ZFPM2: variants seen among roughly 807,000 people sequenced by gnomAD.
ZFPM2 encodes zinc finger protein ZFPM2.
A neutral mutation model predicts 98.6 loss-of-function variants in ZFPM2; 20 were observed. That is an observed-to-expected ratio of 0.20 (90% CI 0.14 to 0.29). The LOEUF (loss-of-function observed/expected upper bound fraction) is 0.29, where lower values mean the gene tolerates loss of function less well. Among genes scored for constraint, ZFPM2 ranks in the 10% least tolerant of loss-of-function variants. The pLI, the probability that ZFPM2 is intolerant of heterozygous loss-of-function variation, is 1.00. For missense variants in ZFPM2, 1,310 were observed against 1,388.6 expected (o/e 0.94, Z 0.90); for synonymous variants, 518 against 502.7 (o/e 1.03, Z -0.41).
intron 1 of ZFPM2, among the ~76,000 whole-genome samples, chr8:105,331,504 A>T (rs767093932): frequency 1.3e-5 from 2 of 151,850 alleles, no homozygotes; most frequent in East Asian, 3.9e-4. Context: ...GTTAGTACCA[A>T]TGTACTTTAT....
chr8:105,414,287 T>C (rs1433679468), intron 1 of ZFPM2, among the ~76,000 whole-genome samples: 1 of 152,010 alleles, frequency 6.6e-6, no homozygotes, highest in Non-Finnish European at 1.5e-5. Context: ...TGGCATTTCT[T>C]TCCCCTATTA....
At chr8:105,798,199 C>T (rs559819164) in intron 6 of ZFPM2, 1 of 152,638 alleles carries the variant, frequency 6.6e-6, no homozygotes, top group East Asian at 1.9e-4. Context: ...CCTGTAACTG[C>T]AGCACTTTGG....
intron 1 of ZFPM2, among the ~76,000 whole-genome samples, chr8:105,410,927 A>G (rs1328482116): frequency 6.6e-6 from 1 of 151,766 alleles, no homozygotes; most frequent in Non-Finnish European, 1.5e-5. Flanking sequence ...GGAAAAAAAA[A>G]TTGCTGCTTG....
chr8:105,601,302 C>T (rs1490641676), intron 4 of ZFPM2, among the ~76,000 whole-genome samples: 1 of 152,202 alleles, frequency 6.6e-6, no homozygotes, highest in East Asian at 1.9e-4. Context: ...ATGGTAGGGC[C>T]TGCAGATGGC....
chr8:105,487,818 A>C (rs991716646), intron 3 of ZFPM2, among the ~76,000 whole-genome samples: 2 of 152,132 alleles, frequency 1.3e-5, no homozygotes, highest in East Asian at 3.9e-4. Context: ...TTAAGTAATT[A>C]TTTGGCACTG....
chr8:105,598,258 G>A (rs2130778933), intron 4 of ZFPM2, among the ~76,000 whole-genome samples: 1 of 152,142 alleles, frequency 6.6e-6, no homozygotes, highest in Non-Finnish European at 1.5e-5. Flanking sequence ...GGTCACTTGA[G>A]AAAGCTGTCC....
chr8:105,595,258 T>C (rs943752408), intron 4 of ZFPM2, among the ~76,000 whole-genome samples: 3 of 152,090 alleles, frequency 2.0e-5, no homozygotes, highest in Admixed American at 1.3e-4. Context: ...GCCTTATTAG[T>C]CTATCTTTGG....
chr8:105,318,829 C>G lies in ZFPM2; in HGVS notation c.-113C>G, dbSNP rs1811958503. 1 of 568,604 alleles carries G rather than the reference C, an allele frequency of 1.8e-6. No individual in the cohort carries two copies. The highest frequency in any genetic ancestry group is 6.6e-5 in the Admixed American group (1 of 15,126). 35.2% of individuals were successfully genotyped at this position (568,604 alleles called of 1,614,324 possible). ...GGAGCACCTGGAGTCCGGCCGGCGG[C>G]GGGCCGAGCCTGGCCAGCGGCGGCG... On this transcript the variant is annotated 5_prime_UTR_variant, in exon 1 of 8. Transcript: ENST00000407775.
intron 6 of ZFPM2, among the ~76,000 whole-genome samples, chr8:105,794,189 C>A (rs535300082): frequency 6.6e-6 from 1 of 151,978 alleles, no homozygotes; most frequent in East Asian, 1.9e-4. Context: ...TTTGTTTTTT[C>A]CCCATCTTTG....
chr8:105,550,538 C>A (rs1245907878), intron 3 of ZFPM2, among the ~76,000 whole-genome samples: 1 of 152,106 alleles, frequency 6.6e-6, no homozygotes, highest in Non-Finnish European at 1.5e-5. Flanking sequence ...CTTCCTATAG[C>A]CCTACCAGGT....
chr8:105,400,742 C>T (rs1474294824), intron 1 of ZFPM2, among the ~76,000 whole-genome samples: 1 of 151,896 alleles, frequency 6.6e-6, no homozygotes, highest in Non-Finnish European at 1.5e-5. Flanking sequence ...GAGGTGCACT[C>T]TAATAGGGTA....
At chr8:105,753,571 G>A (rs768983865) in intron 5 of ZFPM2, among the ~76,000 whole-genome samples, 2 of 152,014 alleles carry the variant, frequency 1.3e-5, no homozygotes, top group Non-Finnish European at 2.9e-5. Context: ...TTTCTAAAAT[G>A]CAAATGGTTG....
At chr8:105,750,478 A>G (rs1160656942) in intron 5 of ZFPM2, among the ~76,000 whole-genome samples, 1 of 152,096 alleles carries the variant, frequency 6.6e-6, no homozygotes, top group East Asian at 1.9e-4. Flanking sequence ...TAAAATTAAT[A>G]TCATTCAAGG....
At chr8:105,745,712 C>T (rs1269059813) in intron 5 of ZFPM2, among the ~76,000 whole-genome samples, 1 of 152,136 alleles carries the variant, frequency 6.6e-6, no homozygotes, top group East Asian at 1.9e-4. Flanking sequence ...CAATTATGCA[C>T]AGGAGAATGG....
At chr8:105,489,394 A>ATTTTATATATATTTATAGATATATC (rs1563682308) in intron 3 of ZFPM2, among the ~76,000 whole-genome samples, 2 of 146,354 alleles carry the variant, frequency 1.4e-5, no homozygotes, top group East Asian at 2.0e-4. Context: ...ATAGATATAT[A>ATTTTATATATATTTATAGATATATC]TTTTATATAT....
chr8:105,509,479 G>GT (rs1284761013), intron 3 of ZFPM2, among the ~76,000 whole-genome samples: 7 of 152,092 alleles, frequency 4.6e-5, no homozygotes, highest in East Asian at 1.9e-4. Flanking sequence ...TGCTCGTAAT[G>GT]TTTTTTTGCA....
chr8:105,410,284 T>C (rs1169775234), intron 1 of ZFPM2, among the ~76,000 whole-genome samples: 1 of 151,960 alleles, frequency 6.6e-6, no homozygotes, highest in African/African-American at 2.4e-5. Flanking sequence ...TGTAACTGTA[T>C]TGTTACACAT....
intron 5 of ZFPM2, among the ~76,000 whole-genome samples, chr8:105,688,977 C>CCTA (rs1220978291): frequency 2.0e-5 from 3 of 152,148 alleles, no homozygotes; most frequent in Non-Finnish European, 2.9e-5. Flanking sequence ...CTCCACCCCA[C>CCTA]CTACTATTCA....
intron 5 of ZFPM2, among the ~76,000 whole-genome samples, chr8:105,752,033 T>G (rs577088079): frequency 6.6e-6 from 1 of 152,244 alleles, no homozygotes; most frequent in Admixed American, 6.5e-5. Context: ...TGCTCATATT[T>G]CCAATTTTGT....
Sources: allele counts gnomAD v4.1 joint callset (sites outside exome capture counted in the v4.1 genomes callset), GRCh38; gene constraint gnomAD v4.1.1; transcripts MANE v1.5; gene names NCBI Gene and HGNC (gene_info 2026-07-23, HGNC 2026-07-21).